The following RPH3A variants were observed in gnomAD, a reference collection of about 807,000 sequenced individuals.
The protein encoded by RPH3A is rabphilin 3A.
In RPH3A, 48 loss-of-function variants were observed where a neutral mutation model predicts 102.2. The ratio of observed to expected loss-of-function variants is 0.47; its 90% confidence interval spans 0.37 to 0.60. RPH3A has a LOEUF of 0.60. RPH3A is among the 20% of genes least tolerant of loss of function. The pLI is 0.00. For missense variants in RPH3A, 781 were observed against 910.1 expected (o/e 0.86, Z 1.83); for synonymous variants, 310 against 324.3 (o/e 0.96, Z 0.47).
At chr12:112,818,051 G>A (rs757478253) in intron 2 of RPH3A, among the ~76,000 whole-genome samples, 9 of 152,110 alleles carry the variant, frequency 5.9e-5, no homozygotes, top group African/African-American at 1.7e-4. Context: ...GGTGGCTCAC[G>A]CCTGTAATCC....
intron 1 of RPH3A, among the ~76,000 whole-genome samples, chr12:112,718,722 C>T (rs1054761143): frequency 3.3e-5 from 5 of 152,334 alleles, no homozygotes; most frequent in South Asian, 2.1e-4. Flanking sequence ...AAGAAAGCAA[C>T]ATGTGATTCT....
chr12:112,643,686 G>A (rs934826977), intron 1 of RPH3A, among the ~76,000 whole-genome samples: 1 of 152,216 alleles, frequency 6.6e-6, no homozygotes, highest in Non-Finnish European at 1.5e-5. Context: ...GGTACAAATG[G>A]TTTATTTGGC....
chr12:112,587,863 A>G (rs142792410), intron 1 of RPH3A, among the ~76,000 whole-genome samples: 1 of 152,278 alleles, frequency 6.6e-6, no homozygotes, highest in East Asian at 1.9e-4. Context: ...AATGGATATA[A>G]TCACTTAGCA....
intron 1 of RPH3A, among the ~76,000 whole-genome samples, chr12:112,670,117 C>T (rs1241904037): frequency 6.6e-6 from 1 of 152,154 alleles, no homozygotes; most frequent in Non-Finnish European, 1.5e-5. Flanking sequence ...TTGCCAAAAA[C>T]CTTCTTAAGA....
chr12:112,678,303 AAGAG>A (rs772237822), intron 1 of RPH3A, among the ~76,000 whole-genome samples: 6 of 50,198 alleles, frequency 1.2e-4, no homozygotes, highest in South Asian at 1.2e-3. Context: ...GAAAGAAAGA[AAGAG>A]AGAGAGAGAG....
intron 1 of RPH3A, among the ~76,000 whole-genome samples, chr12:112,766,771 AG>A (rs1431832335): frequency 4.6e-5 from 7 of 152,168 alleles, no homozygotes; most frequent in African/African-American, 1.7e-4. Flanking sequence ...AAGGGATCCA[AG>A]GGGATGAGTC....
At position 112,852,918 on chromosome 12, in the gene RPH3A, G is replaced by A. The variant is rs115331503; in HGVS notation, c.230+5076G>A. 5.7e-3 allele frequency among the ~76,000 whole-genome samples: 864 copies of A among 152,232 alleles called. 14 individuals carry two copies. Among genetic ancestry groups the A allele is most frequent in the African/African-American group, 0.02 (816 of 41,552 alleles). On this transcript the variant is annotated intron_variant, in intron 5 of 21. Coordinates refer to ENST00000389385, the MANE Select transcript of RPH3A (RefSeq NM_001143854.2). ...TTGCTCACATATCTTGCCTGTGAAG[G>A]GACTGGCAGTTGGGTGGCTTCCATT...
chr12:112,784,310 G>A (rs937858839), intron 1 of RPH3A, among the ~76,000 whole-genome samples: 1 of 151,990 alleles, frequency 6.6e-6, no homozygotes, highest in Admixed American at 6.6e-5. Context: ...TCACCCCCAG[G>A]CAGGTTTTCC....
chr12:112,743,672 G>C (rs564240083), intron 1 of RPH3A, among the ~76,000 whole-genome samples: 2 of 152,204 alleles, frequency 1.3e-5, no homozygotes, highest in South Asian at 4.2e-4. Context: ...TTGAATAGGA[G>C]TTTAGGGTTT....
intron 1 of RPH3A, among the ~76,000 whole-genome samples, chr12:112,754,032 G>A (rs1019974450): frequency 7.2e-5 from 11 of 152,136 alleles, no homozygotes; most frequent in Non-Finnish European, 1.0e-4. Flanking sequence ...TGGAAAAGAC[G>A]TGGCAATGAT....
At chr12:112,716,726 CTT>C (rs1264258399) in intron 1 of RPH3A, among the ~76,000 whole-genome samples, 2 of 152,214 alleles carry the variant, frequency 1.3e-5, no homozygotes, top group Non-Finnish European at 2.9e-5. Flanking sequence ...CCAGCTAAAA[CTT>C]TGGATTATTA....
At position 112,828,283 on chromosome 12, in the gene RPH3A, T is replaced by C. The variant is rs1469306332; in HGVS notation, c.-18-18T>C. ...CTGAATGATGGGGTGATGTCCTCTCTGGATTGATGTTTTCCAGGAGCACTA... is the reference window on the plus strand; with the variant it reads ...CTGAATGATGGGGTGATGTCCTCTCCGGATTGATGTTTTCCAGGAGCACTA... On this transcript the variant is annotated intron_variant, in intron 2 of 21. Transcript: ENST00000389385. 1 of 1,569,074 alleles carries C rather than the reference T, an allele frequency of 6.4e-7. No homozygotes were observed. The highest frequency in any genetic ancestry group is 2.3e-5 in the East Asian group (1 of 44,382).
intron 2 of RPH3A, among the ~76,000 whole-genome samples, chr12:112,807,530 A>C (rs1223107100): frequency 6.6e-6 from 1 of 152,196 alleles, no homozygotes; most frequent in Non-Finnish European, 1.5e-5. Context: ...TGAACGAGTT[A>C]CCAAATCTCT....
chr12:112,633,029 T>TA (rs1004304119), intron 1 of RPH3A, among the ~76,000 whole-genome samples: 232 of 142,968 alleles, frequency 1.6e-3, no homozygotes, highest in African/African-American at 3.5e-3. Context: ...CCTGTCTCTC[T>TA]AAAAAAAAAA....
chr12:112,643,120 G>T (rs1474987584), intron 1 of RPH3A, among the ~76,000 whole-genome samples: 2 of 152,204 alleles, frequency 1.3e-5, no homozygotes, highest in Non-Finnish European at 2.9e-5. Context: ...CACACTGGTA[G>T]TCAGTGGCCA....
intron 1 of RPH3A, among the ~76,000 whole-genome samples, chr12:112,744,415 T>G (rs1409982057): frequency 6.6e-6 from 1 of 152,184 alleles, no homozygotes; most frequent in East Asian, 1.9e-4. Context: ...AGAGTGAGAC[T>G]AGAGCCCTCA....
At chr12:112,634,746 A>G (rs2039836401) in intron 1 of RPH3A, among the ~76,000 whole-genome samples, 1 of 152,140 alleles carries the variant, frequency 6.6e-6, no homozygotes. Flanking sequence ...CACATAGAGA[A>G]ATGTGGATCC....
At chr12:112,734,265 A>G (rs1487036026) in intron 1 of RPH3A, among the ~76,000 whole-genome samples, 1 of 152,216 alleles carries the variant, frequency 6.6e-6, no homozygotes, top group African/African-American at 2.4e-5. Context: ...GGACAATAAC[A>G]TGCTGTGCAG....
rs1286846307 is a variant in RPH3A, at chr12:112,747,069, CT to C, written c.-139-45073del. 3.3e-5 allele frequency among the ~76,000 whole-genome samples: 5 copies of C among 152,200 alleles called. 1 individual carries two copies. The highest frequency in any genetic ancestry group is 1.2e-4 in the African/African-American group (5 of 41,450). On this transcript the variant is annotated intron_variant, in intron 1 of 21. Coordinates refer to the RPH3A transcript ENST00000543106. ...CACCTTATATTTTGAGAATCCTAAA[CT>C]CCACAAGAGCAAGGATTTTTGTCTT...
Sources: allele counts gnomAD v4.1 joint callset (sites outside exome capture counted in the v4.1 genomes callset), GRCh38; gene constraint gnomAD v4.1.1; transcripts MANE v1.5; gene names NCBI Gene and HGNC (gene_info 2026-07-23, HGNC 2026-07-21).